RBFOX1: variants seen among roughly 807,000 people sequenced by gnomAD.
RBFOX1 encodes RNA binding fox-1 homolog 1, also known as RNA binding protein fox-1 homolog 1.
In RBFOX1, 8 loss-of-function variants were observed where a neutral mutation model predicts 57.7. The ratio of observed to expected loss-of-function variants is 0.14; its 90% confidence interval spans 0.08 to 0.25. RBFOX1 has a LOEUF of 0.25. RBFOX1 is among the 10% of genes least tolerant of loss of function. The pLI is 1.00. For synonymous variants in RBFOX1, 326 were observed against 222.4 expected (o/e 1.47, Z -4.15); for missense variants, 611 against 548.5 (o/e 1.11, Z -1.14).
intron 1 of RBFOX1, among the ~76,000 whole-genome samples, chr16:6,079,723 C>G (rs1209151503): frequency 6.6e-6 from 1 of 152,114 alleles, no homozygotes; most frequent in African/African-American, 2.4e-5. Context: ...GTGATCCTAG[C>G]TACTCAGAAG....
rs74423012 is a variant in RBFOX1 at position 7,511,225 on chromosome 16, T to G, written c.28-6922T>G. ...GATTCTTTTTCAGTTGAAATACGGT[T>G]TACCTTCAATTTTGAGCCAAAAGGT... On this transcript the variant is annotated intron_variant, in intron 4 of 15. Transcript: ENST00000550418. 5.3e-5 allele frequency among the ~76,000 whole-genome samples: 8 copies of G among 152,358 alleles called. No homozygotes were observed. The East Asian group carries it at 1.3e-3, about 26-fold the overall frequency.
chr16:7,648,931 G>A (rs1286953110), intron 11 of RBFOX1, among the ~76,000 whole-genome samples: 1 of 152,106 alleles, frequency 6.6e-6, no homozygotes, highest in African/African-American at 2.4e-5. Flanking sequence ...CTTTTTCCGA[G>A]ACAGTGAAAA....
chr16:5,939,858 T>C (rs2059245040), intron 4 of RBFOX1, among the ~76,000 whole-genome samples: 1 of 152,186 alleles, frequency 6.6e-6, no homozygotes, highest in Non-Finnish European at 1.5e-5. Flanking sequence ...TGAGGCACAG[T>C]TGCAGGTTGA....
intron 2 of RBFOX1, among the ~76,000 whole-genome samples, chr16:6,547,650 A>T (rs949314310): frequency 1.3e-5 from 2 of 152,194 alleles, no homozygotes; most frequent in African/African-American, 4.8e-5. Flanking sequence ...CTAGAAATAT[A>T]GTAAATGTGA....
chr16:6,230,159 A>C (rs1207297346), intron 1 of RBFOX1, among the ~76,000 whole-genome samples: 1 of 152,206 alleles, frequency 6.6e-6, no homozygotes. Flanking sequence ...TCCCTTTGCA[A>C]AAACAAGATG....
rs1004577441 is a variant in RBFOX1, at chr16:7,321,890, G to T, written c.28-196257G>T. On this transcript the variant is annotated intron_variant, in intron 4 of 15. Transcript: ENST00000550418. ...CCACCAGCTGCCTGGCCATGACATC[G>T]CAGAGAGACCATCTTGCAGCAGTCA... Among the ~76,000 whole-genome samples, 4 of 152,120 alleles carry T rather than the reference G, an allele frequency of 2.6e-5. No individual in the cohort carries two copies. The South Asian group carries it at 8.3e-4, about 32-fold the overall frequency.
Position 5,989,696 on chromosome 16 carries a change from G to C in RBFOX1, c.351+122361G>C, listed in dbSNP as rs543379771. On this transcript the variant is annotated intron_variant, in intron 4 of 19. Transcript: ENST00000641259. ...TAGTGGACCTTAAATTTCTCTGGGG[G>C]TGGGGAAGATGATCTCACTCATTTG... Among the ~76,000 whole-genome samples the C allele has an allele frequency of 2.0e-5, 3 of 152,054 alleles. No homozygotes were observed. The East Asian group carries it at 5.8e-4, about 30-fold the overall frequency.
intron 3 of RBFOX1, chr16:6,704,446 C>G (rs1251876970): frequency 6.6e-6 from 1 of 152,310 alleles, no homozygotes; most frequent in African/African-American, 2.4e-5. Context: ...ATGGCTCTAG[C>G]TGGGCTCAGG....
chr16:7,233,348 T>C (rs1393037027), intron 4 of RBFOX1, among the ~76,000 whole-genome samples: 2 of 152,230 alleles, frequency 1.3e-5, no homozygotes, highest in Non-Finnish European at 2.9e-5. Context: ...CTATATTCTT[T>C]TCCATGACAT....
At chr16:7,038,075 C>A (rs552900754) in intron 3 of RBFOX1, among the ~76,000 whole-genome samples, 1 of 151,282 alleles carries the variant, frequency 6.6e-6, no homozygotes, top group Admixed American at 6.6e-5. Context: ...TGTAAATCCC[C>A]CACTTGCCCT....
At chr16:5,277,076 A>G (rs2063159536) in intron 1 of RBFOX1, among the ~76,000 whole-genome samples, 1 of 152,134 alleles carries the variant, frequency 6.6e-6, no homozygotes, top group African/African-American at 2.4e-5. Flanking sequence ...GATAAAGAAA[A>G]TGTGTTTTTT....
chr16:7,118,552 G>C (rs9925513), intron 4 of RBFOX1, among the ~76,000 whole-genome samples: 29,300 of 151,852 alleles, frequency 0.19, 3,565 homozygotes, highest in East Asian at 0.34. Context: ...GTAAGCAAAA[G>C]CCACCTGTGC....
At chr16:6,864,371 A>G (rs1455817860) in intron 3 of RBFOX1, among the ~76,000 whole-genome samples, 1 of 152,190 alleles carries the variant, frequency 6.6e-6, no homozygotes, top group Non-Finnish European at 1.5e-5. Flanking sequence ...AGACTGCAAT[A>G]AAGGAAGGCT....
chr16:5,689,984 T>A (rs1318244381), intron 3 of RBFOX1, among the ~76,000 whole-genome samples: 1 of 152,134 alleles, frequency 6.6e-6, no homozygotes, highest in Admixed American at 6.6e-5. Flanking sequence ...GGAGTGCTGC[T>A]TGCACATGGA....
At chr16:6,759,317 A>C (rs2076259476) in intron 3 of RBFOX1, among the ~76,000 whole-genome samples, 1 of 151,956 alleles carries the variant, frequency 6.6e-6, no homozygotes, top group South Asian at 2.1e-4. Flanking sequence ...CAGCTGGCTA[A>C]TTTTTGTATT....
intron 4 of RBFOX1, among the ~76,000 whole-genome samples, chr16:5,945,548 G>A (rs541662900): frequency 7.9e-5 from 12 of 152,282 alleles, no homozygotes; most frequent in Middle Eastern, 3.4e-3. Context: ...CCTCTGAAAC[G>A]GATATTGTTA....
intron 1 of RBFOX1, among the ~76,000 whole-genome samples, chr16:5,367,449 C>A (rs1283316207): frequency 6.6e-6 from 1 of 152,108 alleles, no homozygotes. Flanking sequence ...AGGTGACAGC[C>A]GAGTTGGCTG....
chr16:5,782,764 A>C lies in RBFOX1; in HGVS notation c.319-84539A>C, dbSNP rs114236917. On this transcript the variant is annotated intron_variant, in intron 3 of 19. Transcript: ENST00000641259. Reference sequence around the variant, plus strand: ...TAACCAGCAATCTGGAGACTCATGAAAACAGGTGGTATAATTCAGCCTAAG... The same window carrying C: ...TAACCAGCAATCTGGAGACTCATGACAACAGGTGGTATAATTCAGCCTAAG... Among the ~76,000 whole-genome samples, 815 of 152,288 alleles carry C rather than the reference A, an allele frequency of 5.4e-3. 9 individuals carry two copies. The highest frequency in any genetic ancestry group is 0.019 in the African/African-American group (780 of 41,562).
chr16:7,325,749 G>C (rs1403537543), intron 4 of RBFOX1, among the ~76,000 whole-genome samples: 1 of 152,184 alleles, frequency 6.6e-6, no homozygotes, highest in African/African-American at 2.4e-5. Context: ...ATGCGGTTGT[G>C]ACTTGGGTGT....
Sources: allele counts gnomAD v4.1 joint callset (sites outside exome capture counted in the v4.1 genomes callset), GRCh38; gene constraint gnomAD v4.1.1; transcripts MANE v1.5; gene names NCBI Gene and HGNC (gene_info 2026-07-23, HGNC 2026-07-21).